The following KIF14 variants were observed in gnomAD, a reference collection of about 807,000 sequenced individuals.
KIF14 encodes kinesin family member 14.
A neutral mutation model predicts 176.2 loss-of-function variants in KIF14; 98 were observed. That is an observed-to-expected ratio of 0.56 (90% CI 0.47 to 0.66). The LOEUF (loss-of-function observed/expected upper bound fraction) is 0.66, where lower values mean the gene tolerates loss of function less well. Ranked by LOEUF, KIF14 falls within the 30% of genes least tolerant of loss-of-function variation. The probability of loss-of-function intolerance (pLI) is 0.00; values close to 1 mark genes in which losing one functional copy is unlikely to be tolerated. For synonymous variants in KIF14, 566 were observed against 632.2 expected (o/e 0.90, Z 1.57); for missense variants, 1,751 against 1,920.4 (o/e 0.91, Z 1.65).
chr1:200,575,119 G>A (rs923846608), intron 22 of KIF14, among the ~76,000 whole-genome samples: 1 of 151,574 alleles, frequency 6.6e-6, no homozygotes, highest in African/African-American at 2.4e-5. Context: ...CCCACACCGG[G>A]CTAATTTTTT....
Sources: allele counts gnomAD v4.1 joint callset (sites outside exome capture counted in the v4.1 genomes callset), GRCh38; gene constraint gnomAD v4.1.1; transcripts MANE v1.5; gene names NCBI Gene and HGNC (gene_info 2026-07-23, HGNC 2026-07-21).